DCC: variants seen among roughly 807,000 people sequenced by gnomAD.
The protein encoded by DCC is DCC netrin 1 receptor, also known as netrin receptor DCC.
In DCC, 58 loss-of-function variants were observed where a neutral mutation model predicts 172.5. The observed-to-expected ratio is 0.34, with a 90% CI of 0.27 to 0.42. DCC has a LOEUF of 0.42. Among genes scored for constraint, DCC ranks in the 10% least tolerant of loss-of-function variants. The probability of loss-of-function intolerance (pLI) is 1.00; values close to 1 mark genes in which losing one functional copy is unlikely to be tolerated. For missense variants in DCC, 1,740 were observed against 1,791.0 expected, an observed-to-expected ratio of 0.97 and a Z score of 0.51; for synonymous variants, 709 against 644.5, an observed-to-expected ratio of 1.10 and a Z score of -1.52.
Position 53,351,291 on chromosome 18 carries a change from G to GTATATATATATATATA in DCC, c.2359+11393_2359+11408dup, listed in dbSNP as rs147758557. Reference sequence around the variant, plus strand: ...AGAAAAGATCTTCTCATTGAGTACAGTATATATATATATATATATATATAC... The same window carrying GTATATATATATATATA: ...AGAAAAGATCTTCTCATTGAGTACAGTATATATATATATATATATATATATATATATATATATATAC... On this transcript the variant is annotated intron_variant, in intron 15 of 28. Coordinates refer to ENST00000442544, the MANE Select transcript of DCC (RefSeq NM_005215.4). Among the ~76,000 whole-genome samples the GTATATATATATATATA allele has an allele frequency of 1.2e-4, 4 of 34,452 alleles. No homozygotes were observed. The East Asian group carries it at 1.9e-3, about 16-fold the overall frequency. The allele number at this position is 34,452 out of a possible 152,430, so 22.6% of individuals were successfully genotyped here.
chr18:53,277,851 C>A (rs994716414), intron 12 of DCC, among the ~76,000 whole-genome samples: 2 of 152,084 alleles, frequency 1.3e-5, no homozygotes, highest in Admixed American at 6.6e-5. Context: ...TGAGAGTCCA[C>A]GGGATAGCAA....
chr18:53,196,145 A>G (rs2055439732), intron 9 of DCC, among the ~76,000 whole-genome samples: 1 of 152,208 alleles, frequency 6.6e-6, no homozygotes, highest in South Asian at 2.1e-4. Context: ...TACATGTAAC[A>G]TTTAATATGT....
intron 2 of DCC, among the ~76,000 whole-genome samples, chr18:52,877,147 T>C (rs2039416074): frequency 6.6e-6 from 1 of 152,178 alleles, no homozygotes; most frequent in Non-Finnish European, 1.5e-5. Context: ...TCTAGGTCAA[T>C]CTCAACACTG....
intron 12 of DCC, among the ~76,000 whole-genome samples, chr18:53,274,873 C>T (rs1420534267): frequency 6.6e-6 from 1 of 152,046 alleles, no homozygotes; most frequent in African/African-American, 2.4e-5. Flanking sequence ...TCCAAATCTG[C>T]ATTTAACAAG....
chr18:52,365,652 C>T (rs1984815772), intron 1 of DCC, among the ~76,000 whole-genome samples: 1 of 152,184 alleles, frequency 6.6e-6, no homozygotes, highest in African/African-American at 2.4e-5. Context: ...AGTCCTCCTT[C>T]TCCACTGTAG....
intron 11 of DCC, among the ~76,000 whole-genome samples, 173 bp from the exon 12 acceptor site, chr18:53,215,375 A>G (rs1371099484): frequency 6.6e-6 from 1 of 152,126 alleles, no homozygotes; most frequent in Non-Finnish European, 1.5e-5. Flanking sequence ...AAAATAGACA[A>G]ATACAGTTAT....
At chr18:53,152,152 ATT>A (rs2054651764) in intron 7 of DCC, among the ~76,000 whole-genome samples, 1 of 152,188 alleles carries the variant, frequency 6.6e-6, no homozygotes, top group Non-Finnish European at 1.5e-5. Context: ...CAGCTAGTTG[ATT>A]TGGTGGCTAC....
chr18:52,709,154 T>A (rs982071954), intron 1 of DCC, among the ~76,000 whole-genome samples: 8 of 152,150 alleles, frequency 5.3e-5, no homozygotes, highest in African/African-American at 1.7e-4. Flanking sequence ...CTCCATTTTA[T>A]TGGAGAGAAA....
intron 27 of DCC, among the ~76,000 whole-genome samples, chr18:53,517,311 G>T (rs1238474752): frequency 6.6e-6 from 1 of 151,526 alleles, no homozygotes; most frequent in African/African-American, 2.4e-5. Context: ...GGTGGGGGGA[G>T]GCGGGAGGAA....
chr18:52,373,772 TAA>T, intron 1 of DCC, among the ~76,000 whole-genome samples: 1 of 152,300 alleles, frequency 6.6e-6, no homozygotes, highest in Non-Finnish European at 1.5e-5. Flanking sequence ...TAAATGATGC[TAA>T]CACCTTAGTC....
At chr18:52,632,473 A>G (rs1271125951) in intron 1 of DCC, among the ~76,000 whole-genome samples, 1 of 152,226 alleles carries the variant, frequency 6.6e-6, no homozygotes, top group Non-Finnish European at 1.5e-5. Flanking sequence ...CCCCACTGGG[A>G]TACCAGCAAA....
chr18:52,795,706 T>G (rs560343481), intron 2 of DCC, among the ~76,000 whole-genome samples: 1 of 152,178 alleles, frequency 6.6e-6, no homozygotes, highest in East Asian at 1.9e-4. Context: ...ATTTGAAATC[T>G]GTCCACTTTT....
chr18:53,396,249 G>A (rs941619031), intron 17 of DCC, among the ~76,000 whole-genome samples: 4 of 152,004 alleles, frequency 2.6e-5, no homozygotes, highest in African/African-American at 4.8e-5. Flanking sequence ...ATTTAACTTC[G>A]AAGAACGATA....
intron 7 of DCC, among the ~76,000 whole-genome samples, chr18:53,110,110 T>C (rs145013887): frequency 1.3e-5 from 2 of 151,816 alleles, no homozygotes; most frequent in Admixed American, 6.6e-5. Context: ...CTCATACTTA[T>C]GCAGAAGAGA....
chr18:52,953,642 A>T (rs1169655209), intron 5 of DCC, among the ~76,000 whole-genome samples: 1 of 152,242 alleles, frequency 6.6e-6, no homozygotes, highest in African/African-American at 2.4e-5. Flanking sequence ...CAAAGCATTG[A>T]CTACGGCAGG....
At chr18:53,165,654 C>G (rs1241962525) in intron 8 of DCC, among the ~76,000 whole-genome samples, 1 of 152,168 alleles carries the variant, frequency 6.6e-6, no homozygotes, top group Non-Finnish European at 1.5e-5. Flanking sequence ...GATTTTATTT[C>G]TCCAGTGGAC....
At chr18:53,060,518 G>A (rs1468425854) in intron 5 of DCC, among the ~76,000 whole-genome samples, 3 of 152,134 alleles carry the variant, frequency 2.0e-5, no homozygotes, top group African/African-American at 7.2e-5. Flanking sequence ...TAAGAAATAT[G>A]AGAAAATTAC....
intron 21 of DCC, among the ~76,000 whole-genome samples, chr18:53,427,642 T>C (rs1911064342): frequency 6.6e-6 from 1 of 150,856 alleles, no homozygotes; most frequent in African/African-American, 2.4e-5. Context: ...AAGAAGGAGG[T>C]TAACTACTTT....
chr18:52,389,984 G>C (rs1985967744), intron 1 of DCC, among the ~76,000 whole-genome samples: 2 of 151,968 alleles, frequency 1.3e-5, no homozygotes, highest in Non-Finnish European at 2.9e-5. Flanking sequence ...TTTTCATATA[G>C]AGAGACTGAG....
Sources: allele counts gnomAD v4.1 joint callset (sites outside exome capture counted in the v4.1 genomes callset), GRCh38; gene constraint gnomAD v4.1.1; transcripts MANE v1.5; gene names NCBI Gene and HGNC (gene_info 2026-07-23, HGNC 2026-07-21).